The following ODAM variants were observed in gnomAD, a reference collection of about 807,000 sequenced individuals.
ODAM encodes odontogenic ameloblast-associated protein.
ODAM carries 55 observed loss-of-function variants against 48.5 expected under a neutral mutation model. The ratio of observed to expected loss-of-function variants is 1.13; its 90% CI spans 0.91 to 1.42. The LOEUF is 1.42. Among genes scored for constraint, ODAM ranks in the 40% most tolerant of loss-of-function variants. ODAM has a pLI of 0.00. For missense variants in ODAM, 353 were observed against 323.6 expected (o/e 1.09, Z -0.70); for synonymous variants, 127 against 107.8 (o/e 1.18, Z -1.10).
intron 6 of ODAM, among the ~76,000 whole-genome samples, chr4:70,199,006 T>G (rs1243950611): frequency 6.6e-6 from 1 of 152,014 alleles, no homozygotes; most frequent in Non-Finnish European, 1.5e-5. Context: ...GGAGATGCAC[T>G]AAGCTGATAA....
chr4:70,199,824 T>C (rs1308567707), intron 6 of ODAM, among the ~76,000 whole-genome samples: 1 of 151,990 alleles, frequency 6.6e-6, no homozygotes, highest in East Asian at 1.9e-4. Context: ...TCTTACTTTA[T>C]GCAAATAAAA....
intron 7 of ODAM, 120 bp from the exon 8 acceptor site, chr4:70,201,334 A>C: frequency 1.8e-6 from 1 of 548,866 alleles, no homozygotes; most frequent in Non-Finnish European, 3.2e-6. Context: ...GGAACATATA[A>C]ACTTTAAAAA....
chr4:70,197,844 C>T (rs2109815751), intron 4 of ODAM, 80 bp from the exon 5 acceptor site: 8 of 1,097,526 alleles, frequency 7.3e-6, no homozygotes, highest in Non-Finnish European at 8.0e-6. Flanking sequence ...TTGTATTTTG[C>T]CTCTTTCTTG....
chr4:70,198,045 C>G lies in ODAM; in HGVS notation c.263C>G (p.Pro88Arg). The change falls in exon 5 of 12, where the codon CCA (proline) becomes CGA (arginine). Residue 88 changes from proline to arginine, a missense_variant. Pro to Arg is a moderately radical substitution (Grantham distance 103). Coordinates refer to ENST00000683306, the MANE Select transcript of ODAM (RefSeq NM_017855.4). ...CTAGACCAGTTTGCTGGACTGCTCC[C>G]AAATCAGATACCCTTAACAGGAGAG... ...SALDQFAGLL[P>R]NQIPLTGEAS... 6.2e-7 allele frequency: 1 copy of G among 1,613,306 alleles called. No homozygotes were observed. Among genetic ancestry groups the G allele is most frequent in the Non-Finnish European group, 8.5e-7 (1 of 1,179,562 alleles).
In ODAM at chr4:70,196,691, G is replaced by C. The variant is rs750323696; in HGVS notation, c.52-1G>C. The C allele has an allele frequency of 1.2e-6, 2 of 1,605,772 alleles. No homozygotes were observed. Among genetic ancestry groups the C allele is most frequent in the Admixed American group, 1.7e-5 (1 of 59,454 alleles). The stretch of plus-strand genomic sequence containing the variant: ...GATTTTTTTTTCATTTTTACTTTTA[G>C]CTTATCCCACAGCGTCTCATGTCTG... On this transcript the variant is annotated splice_acceptor_variant, in intron 2 of 11. Coordinates refer to ENST00000683306, the MANE Select transcript of ODAM (RefSeq NM_017855.4). LOFTEE classifies it high-confidence loss of function.
chr4:70,198,302 T>C (rs1578236703), intron 5 of ODAM, 145 bp downstream of exon 5: 2 of 733,586 alleles, frequency 2.7e-6, no homozygotes, highest in Non-Finnish European at 2.2e-6. Flanking sequence ...CTGTAAGTTC[T>C]TTCTTTTATT....
chr4:70,198,450 G>T, intron 5 of ODAM, 129 bp from the exon 6 acceptor site: 1 of 726,738 alleles, frequency 1.4e-6, no homozygotes, highest in South Asian at 2.0e-5. Context: ...TGTAACGGAT[G>T]ACTTTTTGTT....
intron 6 of ODAM, among the ~76,000 whole-genome samples, chr4:70,199,188 A>G (rs950304472): frequency 1.3e-5 from 2 of 152,042 alleles, no homozygotes; most frequent in Non-Finnish European, 2.9e-5. Flanking sequence ...AATGCAAACT[A>G]GTATAATCAT....
intron 4 of ODAM, 22 bp downstream of exon 4, chr4:70,197,343 CT>C: frequency 7.9e-7 from 1 of 1,272,808 alleles, no homozygotes; most frequent in Non-Finnish European, 1.1e-6. Flanking sequence ...TCAATAATTA[CT>C]TTATGGGGAA....
At chr4:70,197,754 C>T in intron 4 of ODAM, 170 bp from the exon 5 acceptor site, 1 of 619,770 alleles carries the variant, frequency 1.6e-6, no homozygotes. Context: ...TTAGCATTTG[C>T]TTCGTATTAT....
chr4:70,202,895 C>G lies in ODAM; in HGVS notation c.788C>G (p.Thr263Ser). ...ACTTCTGCTGTAGACCAAACTATTA[C>G]CCCAGAGCTCCCAGAAGAGAAGGTA... ...VFTSAVDQTI[T>S]PELPEEKDKT... Residue 263 changes from threonine (T) to serine (S), a missense_variant, in exon 10 of 12, where the codon ACC becomes AGC. Thr to Ser is a moderately conservative substitution (Grantham distance 58, BLOSUM62 1). Transcript: ENST00000683306. 4 of 1,610,676 alleles carry G rather than the reference C, an allele frequency of 2.5e-6. No individual in the cohort carries two copies. In the South Asian group the frequency reaches 4.4e-5, roughly 18 times the overall value.
At chr4:70,201,010 G>A (rs1334095703) in intron 7 of ODAM, among the ~76,000 whole-genome samples, 4 of 151,882 alleles carry the variant, frequency 2.6e-5, no homozygotes, top group African/African-American at 7.3e-5. Context: ...TGGATTTTGA[G>A]ATACAATTAG....
At chr4:70,203,303 A>G in intron 11 of ODAM, 89 bp downstream of exon 11, 1 of 708,740 alleles carries the variant, frequency 1.4e-6, no homozygotes, top group East Asian at 2.6e-5. Context: ...GAGCTAATGG[A>G]GTTCTTACCA....
chr4:70,200,870 G>A (rs1017787645), intron 7 of ODAM, among the ~76,000 whole-genome samples: 4 of 151,858 alleles, frequency 2.6e-5, no homozygotes, highest in Admixed American at 6.6e-5. Flanking sequence ...GAATAACCTC[G>A]AAAAGTGAAG....
chr4:70,195,953 G>A (rs996352083), intron 1 of ODAM, among the ~76,000 whole-genome samples, 160 bp downstream of exon 1: 1 of 151,858 alleles, frequency 6.6e-6, no homozygotes, highest in East Asian at 1.9e-4. Flanking sequence ...TACTTAAACA[G>A]GTTACACCAT....
intron 6 of ODAM, 132 bp downstream of exon 6, chr4:70,198,758 C>G (rs1472662666): frequency 2.7e-5 from 20 of 741,688 alleles, no homozygotes; most frequent in Non-Finnish European, 4.4e-5. Context: ...TAGATAACAT[C>G]ATTGCTGGGC....
intron 6 of ODAM, among the ~76,000 whole-genome samples, chr4:70,199,425 GA>G (rs1294420375): frequency 1.3e-5 from 2 of 151,888 alleles, no homozygotes; most frequent in Non-Finnish European, 2.9e-5. Flanking sequence ...CTCATTCTAT[GA>G]CATAAGCATT....
chr4:70,196,621 C>A (rs1486922137), intron 2 of ODAM, 27 bp downstream of exon 2: 1 of 1,585,166 alleles, frequency 6.3e-7, no homozygotes, highest in Non-Finnish European at 8.6e-7. Flanking sequence ...CACTACTAGT[C>A]CCACTGTGTT....
At chr4:70,203,857 G>A (rs1164580109) in intron 11 of ODAM, among the ~76,000 whole-genome samples, 1 of 151,834 alleles carries the variant, frequency 6.6e-6, no homozygotes, top group Non-Finnish European at 1.5e-5. Context: ...AGCCTCTTTT[G>A]ATCTCTCCTT....
Sources: gnomAD v4.1 joint callset for allele counts (sites outside exome capture counted in the v4.1 genomes callset) on GRCh38, gnomAD v4.1.1 for gene constraint, MANE v1.5 for transcripts, NCBI Gene and HGNC (gene_info 2026-07-23, HGNC 2026-07-21) for gene names.